The following BATF variants were observed in gnomAD, a reference collection of about 807,000 sequenced individuals.
BATF encodes the protein basic leucine zipper transcriptional factor ATF-like.
In BATF, 5 loss-of-function variants were observed where a neutral mutation model predicts 13.7. That is an observed-to-expected ratio of 0.36 (90% CI 0.19 to 0.77). The LOEUF is 0.77. BATF is among the 30% of genes least tolerant of loss of function. The pLI, the probability that BATF is intolerant of heterozygous loss-of-function variation, is 0.51. For missense variants in BATF, 124 were observed against 163.0 expected, an observed-to-expected ratio of 0.76 and a Z score of 1.30; for synonymous variants, 72 against 67.5, an observed-to-expected ratio of 1.07 and a Z score of -0.33.
At chr14:75,538,661 G>A (rs1219528585) in intron 2 of BATF, among the ~76,000 whole-genome samples, 1 of 152,240 alleles carries the variant, frequency 6.6e-6, no homozygotes, top group Non-Finnish European at 1.5e-5. Context: ...CAACACTTTG[G>A]GAGCCCGAGG....
At chr14:75,535,714 C>A (rs2359737) in intron 2 of BATF, among the ~76,000 whole-genome samples, 30,906 of 151,872 alleles carry the variant, frequency 0.2, 3,587 homozygotes, top group East Asian at 0.29. Flanking sequence ...AATATTACAC[C>A]AGGAAAACAG....
intron 2 of BATF, among the ~76,000 whole-genome samples, chr14:75,544,680 C>T (rs924503661): frequency 6.6e-6 from 1 of 152,076 alleles, no homozygotes; most frequent in African/African-American, 2.4e-5. Flanking sequence ...TCTTAACAAG[C>T]CTTCAAATTA....
At position 75,546,824 on chromosome 14, in the gene BATF, TG is replaced by T. The variant is rs1887995886; in HGVS notation, c.*154del. 9.3e-7 allele frequency: 1 copy of T among 1,076,546 alleles called. No homozygotes were observed. The highest frequency in any genetic ancestry group is 1.4e-6 in the Non-Finnish European group (1 of 731,030). The allele number at this position is 1,076,546 out of a possible 1,614,324, so 66.7% of individuals were successfully genotyped here. The stretch of plus-strand genomic sequence containing the variant: ...GGGAACTGTCACGACTGGAAGGGCG[TG>T]AGGCCTCCCAGCAGTGCCGCAGCGT... On this transcript the variant is annotated 3_prime_UTR_variant, in exon 3 of 3. Transcript: ENST00000286639.
chr14:75,545,291 G>A (rs889405251), intron 2 of BATF, among the ~76,000 whole-genome samples: 1 of 151,574 alleles, frequency 6.6e-6, no homozygotes, highest in African/African-American at 2.4e-5. Context: ...GCATGATCTC[G>A]GCTCACTGCA....
At chr14:75,543,828 CA>C (rs574504710) in intron 2 of BATF, among the ~76,000 whole-genome samples, 60 of 140,534 alleles carry the variant, frequency 4.3e-4, no homozygotes, top group Admixed American at 7.9e-4. Flanking sequence ...AAGACTGTCT[CA>C]AAAAAAAAAA....
intron 1 of BATF, among the ~76,000 whole-genome samples, chr14:75,523,135 G>A (rs1887598745): frequency 1.3e-5 from 2 of 151,692 alleles, no homozygotes; most frequent in South Asian, 4.2e-4. Context: ...GGCATGCACA[G>A]CTCAAATCCT....
chr14:75,535,815 G>C (rs191666424), intron 2 of BATF, among the ~76,000 whole-genome samples: 2 of 152,306 alleles, frequency 1.3e-5, no homozygotes, highest in South Asian at 2.1e-4. Flanking sequence ...ATAAAGTTCA[G>C]AGTCAAGTAG....
intron 2 of BATF, among the ~76,000 whole-genome samples, chr14:75,530,691 T>C (rs766382733): frequency 3.3e-5 from 5 of 152,188 alleles, no homozygotes; most frequent in African/African-American, 4.8e-5. Flanking sequence ...TTTTTATTTT[T>C]AGAGACAGGG....
At chr14:75,524,714 G>T (rs1887625862) in intron 1 of BATF, among the ~76,000 whole-genome samples, 1 of 151,634 alleles carries the variant, frequency 6.6e-6, no homozygotes, top group South Asian at 2.1e-4. Flanking sequence ...ACAGCAAGAA[G>T]AGCCTAAAGG....
chr14:75,524,630 A>T (rs560022763), intron 1 of BATF, among the ~76,000 whole-genome samples: 5 of 152,334 alleles, frequency 3.3e-5, no homozygotes, highest in Admixed American at 2.6e-4. Context: ...AGCACTTCTG[A>T]AAGAACACTT....
intron 2 of BATF, among the ~76,000 whole-genome samples, chr14:75,544,792 A>ATTTTTTTTTTTTTTTTTTTTTTTT: frequency 7.5e-6 from 1 of 134,210 alleles, no homozygotes; most frequent in Non-Finnish European, 1.6e-5. Flanking sequence ...TTGAACTGAA[A>ATTTTTTTTTTTTTTTTTTTTTTTT]TTTTTTTTTT....
At chr14:75,532,665 AG>A (rs879811348) in intron 2 of BATF, among the ~76,000 whole-genome samples, 7 of 152,232 alleles carry the variant, frequency 4.6e-5, no homozygotes, top group Admixed American at 4.6e-4. Context: ...AAAACTTGAC[AG>A]GGGGCTTACA....
intron 2 of BATF, among the ~76,000 whole-genome samples, chr14:75,536,153 A>C (rs1468489121): frequency 6.6e-6 from 1 of 152,206 alleles, no homozygotes; most frequent in Non-Finnish European, 1.5e-5. Context: ...CACTAATCAC[A>C]TGACATGTAA....
intron 2 of BATF, among the ~76,000 whole-genome samples, chr14:75,542,015 CG>C (rs1887903508): frequency 1.3e-5 from 2 of 152,094 alleles, no homozygotes; most frequent in South Asian, 4.2e-4. Flanking sequence ...TCCAGTCTCT[CG>C]GGGGAAGCAG....
intron 2 of BATF, 146 bp from the exon 3 acceptor site, chr14:75,546,316 C>A: frequency 1.3e-6 from 1 of 765,730 alleles, no homozygotes; most frequent in Non-Finnish European, 2.1e-6. Flanking sequence ...TGCACACATT[C>A]ACACGTGCAG....
Position 75,533,554 on chromosome 14 carries a change from T to C in BATF, c.168+8366T>C, listed in dbSNP as rs79492336. 9.2e-3 allele frequency among the ~76,000 whole-genome samples: 1,405 copies of C among 152,188 alleles called. 26 individuals are homozygous for C. The highest frequency in any genetic ancestry group is 0.032 in the African/African-American group (1,327 of 41,526). Reference sequence around the variant, plus strand: ...ATTCTCAGCAGCACCCAGACTTCCTTCTCTTGAGCAGAATGGGAGTCTCCC... The same window carrying C: ...ATTCTCAGCAGCACCCAGACTTCCTCCTCTTGAGCAGAATGGGAGTCTCCC... On this transcript the variant is annotated intron_variant, in intron 2 of 2. Transcript: ENST00000286639.
At chr14:75,531,309 C>T (rs1887728396) in intron 2 of BATF, among the ~76,000 whole-genome samples, 1 of 152,152 alleles carries the variant, frequency 6.6e-6, no homozygotes, top group African/African-American at 2.4e-5. Flanking sequence ...TGGTGCCGTA[C>T]AGCTGGAAGG....
chr14:75,546,362 A>G lies in BATF; in HGVS notation c.169-100A>G, dbSNP rs918302457. 2.8e-5 allele frequency: 33 copies of G among 1,162,390 alleles called. No homozygotes were observed. In the African/African-American group the frequency reaches 5.1e-4, roughly 18 times the overall value. The allele number at this position is 1,162,390 out of a possible 1,614,324, so 72.0% of individuals were successfully genotyped here. Reference sequence around the variant, plus strand: ...TGGTGCCCTTCTCCATGGCTGTGCTAGTGAACAACTAATCTGGCCCCTCCT... The same window carrying G: ...TGGTGCCCTTCTCCATGGCTGTGCTGGTGAACAACTAATCTGGCCCCTCCT... On this transcript the variant is annotated intron_variant, in intron 2 of 2. Transcript: ENST00000286639.
chr14:75,529,536 A>G (rs947291560), intron 2 of BATF, among the ~76,000 whole-genome samples: 2 of 152,236 alleles, frequency 1.3e-5, no homozygotes, highest in Non-Finnish European at 2.9e-5. Flanking sequence ...TGGAATGAGG[A>G]ATTATTTTCT....
Sources: allele counts gnomAD v4.1 joint callset (sites outside exome capture counted in the v4.1 genomes callset), GRCh38; gene constraint gnomAD v4.1.1; transcripts MANE v1.5; gene names NCBI Gene and HGNC (gene_info 2026-07-23, HGNC 2026-07-21).